RALYL: variants seen among roughly 807,000 people sequenced by gnomAD.
RALYL encodes RALY RNA binding protein like, also known as RNA-binding Raly-like protein.
RALYL carries 29 observed loss-of-function variants against 35.1 expected under a neutral mutation model. The observed-to-expected ratio is 0.83, with a 90% CI of 0.61 to 1.13. The LOEUF (loss-of-function observed/expected upper bound fraction) is 1.13. Among genes scored for constraint, RALYL ranks in the 50% most tolerant of loss-of-function variants. The pLI is 0.00. For missense variants in RALYL, 359 were observed against 360.4 expected, an observed-to-expected ratio of 1.00 and a Z score of 0.03; for synonymous variants, 120 against 127.6, an observed-to-expected ratio of 0.94 and a Z score of 0.40.
chr8:84,551,897 C>G (rs1211040238), intron 2 of RALYL, among the ~76,000 whole-genome samples: 1 of 152,088 alleles, frequency 6.6e-6, no homozygotes, highest in African/African-American at 2.4e-5. Context: ...TTATCCTAGA[C>G]TTTGCTCTGA....
At position 84,730,589 on chromosome 8, in the gene RALYL, CA is replaced by C. The variant is rs374364550; in HGVS notation, c.257-43987del. Among the ~76,000 whole-genome samples, 130 of 152,232 alleles carry C rather than the reference CA, an allele frequency of 8.5e-4. No individual in the cohort carries two copies. In the East Asian group the frequency reaches 0.016, roughly 19 times the overall value. On this transcript the variant is annotated intron_variant, in intron 2 of 8. Transcript: ENST00000521268. ...GTATTCAATTAGGAAAAGAGGAAGTCAAATTGTCCCTGTTGGCAGACGACAT... is the reference window on the plus strand; with the variant it reads ...GTATTCAATTAGGAAAAGAGGAAGTCAATTGTCCCTGTTGGCAGACGACAT...
intron 8 of RALYL, among the ~76,000 whole-genome samples, chr8:84,899,732 G>A (rs551395428): frequency 6.6e-6 from 1 of 152,234 alleles, no homozygotes; most frequent in South Asian, 2.1e-4. Context: ...GTTTTCAGTG[G>A]TTCTGAAATA....
At chr8:84,873,232 G>A (rs1200880485) in intron 6 of RALYL, 52 bp from the exon 7 acceptor site, 1 of 1,005,906 alleles carries the variant, frequency 9.9e-7, no homozygotes, top group East Asian at 2.6e-5. Flanking sequence ...TCCTAGGTGA[G>A]TTATGGTGCA....
chr8:84,276,121 C>T (rs926293636), intron 1 of RALYL, among the ~76,000 whole-genome samples: 7 of 152,050 alleles, frequency 4.6e-5, no homozygotes, highest in Admixed American at 3.9e-4. Flanking sequence ...AGTCAAACTC[C>T]ATTGGTAATA....
At chr8:84,769,520 G>C (rs1004833261) in intron 2 of RALYL, among the ~76,000 whole-genome samples, 1 of 152,152 alleles carries the variant, frequency 6.6e-6, no homozygotes, top group African/African-American at 2.4e-5. Flanking sequence ...TAGCACTGTG[G>C]GAAGCCGAGG....
At chr8:84,185,860 T>G (rs1812391518) in intron 1 of RALYL, among the ~76,000 whole-genome samples, 1 of 152,210 alleles carries the variant, frequency 6.6e-6, no homozygotes, top group South Asian at 2.1e-4. Flanking sequence ...CAAGCAAATA[T>G]TTCACTGTCT....
At chr8:84,573,116 C>A (rs1808433184) in intron 2 of RALYL, among the ~76,000 whole-genome samples, 1 of 151,102 alleles carries the variant, frequency 6.6e-6, no homozygotes, top group African/African-American at 2.4e-5. Context: ...ATTATTAACA[C>A]AATATATATT....
At chr8:84,789,209 A>C (rs1586271414) in intron 3 of RALYL, among the ~76,000 whole-genome samples, 1 of 152,260 alleles carries the variant, frequency 6.6e-6, no homozygotes, top group South Asian at 2.1e-4. Context: ...TAAATGTATC[A>C]GAATGTACTT....
chr8:84,686,499 G>A (rs1167993730), intron 2 of RALYL, among the ~76,000 whole-genome samples: 4 of 152,082 alleles, frequency 2.6e-5, no homozygotes, highest in Non-Finnish European at 5.9e-5. Context: ...CCACCTCCCG[G>A]GTTCAAGCAA....
chr8:84,431,408 A>G (rs2047127301), intron 1 of RALYL, among the ~76,000 whole-genome samples: 1 of 152,070 alleles, frequency 6.6e-6, no homozygotes, highest in Non-Finnish European at 1.5e-5. Context: ...GCTCAATATC[A>G]CTATGAGGGA....
intron 2 of RALYL, chr8:84,665,967 A>G (rs1425505100): frequency 6.6e-6 from 1 of 152,076 alleles, no homozygotes; most frequent in East Asian, 1.9e-4. Flanking sequence ...AGAATAAAAG[A>G]CAATACTAGA....
Position 84,354,490 on chromosome 8 carries a change from A to T in RALYL, c.-24+170066A>T, listed in dbSNP as rs147863097. Among the ~76,000 whole-genome samples the T allele has an allele frequency of 2.8e-3, 417 of 150,048 alleles. 15 individuals carry two copies. The highest frequency in any genetic ancestry group is 4.5e-3 in the Non-Finnish European group (305 of 67,608). On this transcript the variant is annotated intron_variant, in intron 1 of 8. Coordinates refer to ENST00000521268, the MANE Select transcript of RALYL (RefSeq NM_173848.7). ...ATCTGGAGTCAGATCCTTCAAGACAACTCTCCACAGCTCTATTTCCCTGAT... is the reference window on the plus strand; with the variant it reads ...ATCTGGAGTCAGATCCTTCAAGACATCTCTCCACAGCTCTATTTCCCTGAT...
At chr8:84,284,183 G>T (rs143121604) in intron 1 of RALYL, among the ~76,000 whole-genome samples, 23 of 152,092 alleles carry the variant, frequency 1.5e-4, no homozygotes, top group African/African-American at 5.5e-4. Context: ...GATGAGATGC[G>T]GTCTCATTCA....
chr8:84,203,269 TTTTC>T (rs904720996), intron 1 of RALYL, among the ~76,000 whole-genome samples: 3 of 150,678 alleles, frequency 2.0e-5, no homozygotes, highest in African/African-American at 5.0e-5. Context: ...TCCTTCCTTC[TTTTC>T]TTTCTTTCTT....
chr8:84,466,949 C>T (rs1210655838), intron 1 of RALYL, among the ~76,000 whole-genome samples: 39 of 151,728 alleles, frequency 2.6e-4, no homozygotes, highest in South Asian at 6.2e-4. Context: ...TGTAGTATTC[C>T]CTGATGGTAG....
At chr8:84,705,748 A>G (rs1223318458) in intron 2 of RALYL, among the ~76,000 whole-genome samples, 1 of 152,204 alleles carries the variant, frequency 6.6e-6, no homozygotes, top group Non-Finnish European at 1.5e-5. Context: ...GCAGTTTAGT[A>G]GTACAGATTT....
intron 1 of RALYL, among the ~76,000 whole-genome samples, chr8:84,458,576 C>T (rs1226813559): frequency 1.3e-5 from 2 of 151,590 alleles, no homozygotes; most frequent in Non-Finnish European, 3.0e-5. Flanking sequence ...TCCTTTCTTT[C>T]TTCTTGAGGA....
At chr8:84,260,806 T>C (rs1241111252) in intron 1 of RALYL, among the ~76,000 whole-genome samples, 1 of 152,166 alleles carries the variant, frequency 6.6e-6, no homozygotes, top group African/African-American at 2.4e-5. Context: ...CTAAAAATCA[T>C]ATGAATGGTG....
chr8:84,255,099 C>T (rs944569932), intron 1 of RALYL, among the ~76,000 whole-genome samples: 6 of 151,882 alleles, frequency 4.0e-5, no homozygotes, highest in African/African-American at 9.7e-5. Context: ...AAGTCAGTTT[C>T]GTATCACAAA....
Sources: allele counts gnomAD v4.1 joint callset (sites outside exome capture counted in the v4.1 genomes callset), GRCh38; gene constraint gnomAD v4.1.1; transcripts MANE v1.5; gene names NCBI Gene and HGNC (gene_info 2026-07-23, HGNC 2026-07-21).